The following RBMS3 variants were observed in gnomAD, a reference collection of about 807,000 sequenced individuals.
RBMS3 encodes the protein RNA-binding motif, single-stranded-interacting protein 3.
Under a neutral mutation model 66.8 loss-of-function variants are expected in RBMS3, and 27 were observed. The observed-to-expected ratio is 0.40, with a 90% CI of 0.30 to 0.56. RBMS3 has a LOEUF of 0.56. RBMS3 is among the 20% of genes least tolerant of loss of function. The probability of loss-of-function intolerance (pLI) is 0.40; values close to 1 mark genes in which losing one functional copy is unlikely to be tolerated. For missense variants in RBMS3, 513 were observed against 549.5 expected, an observed-to-expected ratio of 0.93 and a Z score of 0.66; for synonymous variants, 188 against 183.0, an observed-to-expected ratio of 1.03 and a Z score of -0.22.
At chr3:29,701,230 T>C (rs2052557698) in intron 4 of RBMS3, among the ~76,000 whole-genome samples, 2 of 151,086 alleles carry the variant, frequency 1.3e-5, no homozygotes, top group African/African-American at 2.4e-5. Flanking sequence ...TGAGCTGAGA[T>C]CGCGCCATTG....
chr3:29,934,564 T>A (rs181953541), intron 10 of RBMS3, among the ~76,000 whole-genome samples: 2 of 152,168 alleles, frequency 1.3e-5, no homozygotes, highest in Admixed American at 1.3e-4. Context: ...GCTTATCTTA[T>A]GTTTCTCATT....
chr3:29,305,082 C>G (rs2033920979), intron 1 of RBMS3, among the ~76,000 whole-genome samples: 1 of 151,802 alleles, frequency 6.6e-6, no homozygotes, highest in African/African-American at 2.4e-5. Flanking sequence ...ATGCCCAGAC[C>G]TTTCAAGCCC....
At chr3:29,294,168 T>G (rs1163776399) in intron 1 of RBMS3, among the ~76,000 whole-genome samples, 2 of 151,862 alleles carry the variant, frequency 1.3e-5, no homozygotes, top group Admixed American at 6.6e-5. Context: ...TATCTTGTTT[T>G]GTGTGTCTTG....
chr3:29,382,444 T>C (rs2038805685), intron 1 of RBMS3, among the ~76,000 whole-genome samples: 1 of 152,222 alleles, frequency 6.6e-6, no homozygotes, highest in African/African-American at 2.4e-5. Context: ...CCTGCCTCTT[T>C]GGTGTTGCAA....
intron 3 of RBMS3, among the ~76,000 whole-genome samples, chr3:29,520,941 G>C (rs2044833223): frequency 6.6e-6 from 1 of 152,070 alleles, no homozygotes; most frequent in African/African-American, 2.4e-5. Context: ...CCTGTAGAGT[G>C]CTTTCCACGG....
rs535877573 is a variant in RBMS3 at position 29,631,598 on chromosome 3, C to T, written c.399+44393C>T. 9.7e-4 allele frequency among the ~76,000 whole-genome samples: 147 copies of T among 152,034 alleles called. 1 individual carries two copies. The highest frequency in any genetic ancestry group is 3.4e-3 in the African/African-American group (142 of 41,534). ...CCACAGGTCAAACACCAGAATCCCA[C>T]TAGAACAAAATTTGACCCTAACCAA... On this transcript the variant is annotated intron_variant, in intron 4 of 14. Transcript: ENST00000383767.
chr3:29,547,828 T>G (rs2046021521), intron 3 of RBMS3, among the ~76,000 whole-genome samples: 1 of 149,446 alleles, frequency 6.7e-6, no homozygotes, highest in South Asian at 2.1e-4. Flanking sequence ...TTTTTTTTTT[T>G]TTTGACAGAG....
chr3:29,388,111 A>ACACACG (rs1491427389), intron 1 of RBMS3, among the ~76,000 whole-genome samples: 35 of 140,020 alleles, frequency 2.5e-4, no homozygotes, highest in African/African-American at 1.1e-3. Context: ...ACACACACAC[A>ACACACG]TGTGTGTGTA....
intron 1 of RBMS3, among the ~76,000 whole-genome samples, chr3:29,420,974 G>A (rs897537137): frequency 6.7e-6 from 1 of 149,070 alleles, no homozygotes; most frequent in Non-Finnish European, 1.5e-5. Context: ...TTAACTGGGC[G>A]TGGTGGCGGG....
intron 6 of RBMS3, among the ~76,000 whole-genome samples, chr3:29,849,742 A>T (rs2058886096): frequency 6.6e-6 from 1 of 152,226 alleles, no homozygotes; most frequent in Admixed American, 6.5e-5. Flanking sequence ...ATATTTTAAC[A>T]GCAAGAAGCA....
At chr3:29,727,264 T>C (rs1202945454) in intron 4 of RBMS3, among the ~76,000 whole-genome samples, 1 of 152,160 alleles carries the variant, frequency 6.6e-6, no homozygotes, top group Non-Finnish European at 1.5e-5. Context: ...ATAAAAACCC[T>C]AGAAGAAAAC....
At chr3:29,493,923 C>T (rs963095264) in intron 3 of RBMS3, among the ~76,000 whole-genome samples, 1 of 152,146 alleles carries the variant, frequency 6.6e-6, no homozygotes, top group Non-Finnish European at 1.5e-5. Context: ...TCAAGACTGT[C>T]GTCATTAGAG....
At chr3:29,569,699 C>CT (rs1172851044) in intron 3 of RBMS3, among the ~76,000 whole-genome samples, 9 of 151,894 alleles carry the variant, frequency 5.9e-5, no homozygotes, top group South Asian at 4.2e-4. Flanking sequence ...GCATGAAAGT[C>CT]TTTTTTTAAA....
intron 1 of RBMS3, among the ~76,000 whole-genome samples, chr3:29,349,267 A>G (rs577569679): frequency 2.0e-5 from 3 of 152,126 alleles, no homozygotes; most frequent in Non-Finnish European, 4.4e-5. Flanking sequence ...TGGACAGGAG[A>G]CAAAAAAGCT....
intron 2 of RBMS3, among the ~76,000 whole-genome samples, chr3:29,435,195 T>G (rs2041354981): frequency 6.6e-6 from 1 of 152,184 alleles, no homozygotes; most frequent in Admixed American, 6.5e-5. Flanking sequence ...AGTAATAGAG[T>G]TACACTCTCA....
intron 4 of RBMS3, among the ~76,000 whole-genome samples, chr3:29,690,972 G>T (rs770710226): frequency 2.0e-5 from 3 of 152,162 alleles, no homozygotes; most frequent in South Asian, 2.1e-4. Flanking sequence ...GTGCTTAAGA[G>T]GGTTTTTATA....
intron 4 of RBMS3, among the ~76,000 whole-genome samples, chr3:29,691,881 A>G (rs1344314): frequency 0.46 from 68,740 of 149,298 alleles, 16,592 homozygotes; most frequent in South Asian, 0.54. Flanking sequence ...CAAATCTAAC[A>G]CTGGTAGCAA....
intron 3 of RBMS3, among the ~76,000 whole-genome samples, chr3:29,505,385 CT>C (rs1254092379): frequency 5.9e-5 from 9 of 151,764 alleles, no homozygotes; most frequent in Admixed American, 6.6e-5. Context: ...GGATTTGTTT[CT>C]GGGATCTCTA....
At chr3:29,977,298 C>T (rs374345021) in intron 12 of RBMS3, among the ~76,000 whole-genome samples, 8 of 152,070 alleles carry the variant, frequency 5.3e-5, no homozygotes, top group African/African-American at 1.9e-4. Flanking sequence ...TTCCTTGCCC[C>T]TCCCTGGCTC....
Sources: gnomAD v4.1 joint callset for allele counts (sites outside exome capture counted in the v4.1 genomes callset) on GRCh38, gnomAD v4.1.1 for gene constraint, MANE v1.5 for transcripts, NCBI Gene and HGNC (gene_info 2026-07-23, HGNC 2026-07-21) for gene names.